Variants in MYH7B observed in about 807,000 individuals in gnomAD.
MYH7B encodes the protein myosin-7B.
A neutral mutation model predicts 234.5 loss-of-function variants in MYH7B; 205 were observed. That is an observed-to-expected ratio of 0.87 (90% CI 0.78 to 0.98). MYH7B has a LOEUF of 0.98. Among genes scored for constraint, MYH7B ranks in the 50% least tolerant of loss-of-function variants. The pLI, the probability that MYH7B is intolerant of heterozygous loss-of-function variation, is 0.00. For missense variants in MYH7B, 2,652 were observed against 2,633.4 expected (o/e 1.01, Z -0.15); for synonymous variants, 1,193 against 1,105.0 (o/e 1.08, Z -1.58).
intron 4 of MYH7B, 58 bp downstream of exon 4, chr20:34,977,738 G>GGGGGGGGGGGCCCCC: frequency 3.2e-6 from 1 of 317,150 alleles, no homozygotes; most frequent in Non-Finnish European, 5.9e-6. Flanking sequence ...GGGCGGGTGG[G>GGGGGGGGGGGCCCCC]TGAGGGTGCC....
exon 21 of MYH7B, chr20:34,990,028 T>C: frequency 6.2e-7 from 1 of 1,614,138 alleles, no homozygotes; most frequent in Non-Finnish European, 8.5e-7. Context: ...CTTACAGCAT[T>C]GTGGGCTGGC....
At chr20:34,989,678 G>A in intron 19 of MYH7B, 62 bp from the exon 20 acceptor site, 6 of 1,506,534 alleles carry the variant, frequency 4.0e-6, no homozygotes, top group South Asian at 3.9e-5. Flanking sequence ...GGGAACCAGG[G>A]GTTCAGTCCT....
intron 38 of MYH7B, 60 bp downstream of exon 38, chr20:34,999,966 G>A: frequency 1.4e-6 from 2 of 1,428,862 alleles, no homozygotes; most frequent in Non-Finnish European, 1.9e-6. Context: ...GAAGCAGTGT[G>A]TACTCTGCTC....
chr20:34,980,882 G>T, intron 8 of MYH7B, 148 bp downstream of exon 8: 1 of 1,486,484 alleles, frequency 6.7e-7, no homozygotes. Context: ...CTCCGCATGG[G>T]AGCTGACCTC....
chr20:34,984,894 T>C, exon 12 of MYH7B: 1 of 1,614,056 alleles, frequency 6.2e-7, no homozygotes. Context: ...AACCCTGCCA[T>C]GGAGGCCTTT....
At chr20:34,982,599 G>A in intron 10 of MYH7B, 44 bp downstream of exon 10, 4 of 1,392,772 alleles carry the variant, frequency 2.9e-6, no homozygotes, top group Non-Finnish European at 3.9e-6. Flanking sequence ...GCTTCTCGCT[G>A]TTTTTCTTTT....
At position 34,997,402 on chromosome 20, in the gene MYH7B, G is replaced by A. The variant is rs201643368; in HGVS notation, c.3509G>A (p.Gly1170Asp). Residue 1170 changes from glycine to aspartate, a missense_variant, in exon 32 of 45, where the codon GGC becomes GAC. Gly to Asp is a moderately conservative substitution (Grantham distance 94, BLOSUM62 -1). Transcript: ENST00000262873. ...GGCGCATCCGCGGGGCAGCGCGAGG[G>A]CTGCCGCAAGCGGGAGGCGGAGCTG... 2,148 of 1,482,632 alleles carry A rather than the reference G, an allele frequency of 1.4e-3. 10 individuals are homozygous for A. The highest frequency in any genetic ancestry group is 9.9e-3 in the Middle Eastern group (42 of 4,260). 91.8% of individuals were successfully genotyped at this position (1,482,632 alleles called of 1,614,324 possible). A position where few individuals can be genotyped will look rare whatever the true frequency, so the allele number is the denominator to read the frequency against.
rs1434664488 is a variant in MYH7B, at chr20:34,982,620, CTCT to C, written c.624+67_624+69del. The C allele has an allele frequency of 6.8e-6, 9 of 1,325,372 alleles. No individual in the cohort carries two copies. In the South Asian group the frequency reaches 8.8e-5, roughly 13 times the overall value. 82.1% of individuals were successfully genotyped at this position (1,325,372 alleles called of 1,614,324 possible). ...CGCTGTTTTTCTTTTCTTTCTTCCT[CTCT>C]TTTTTTTTTTTCCCCCTTTTTAAAA... On this transcript the variant is annotated intron_variant, in intron 10 of 44. Coordinates refer to ENST00000262873, the Ensembl canonical transcript of MYH7B.
chr20:34,990,248 T>A (rs764966681), exon 22 of MYH7B: 1 of 1,613,970 alleles, frequency 6.2e-7, no homozygotes, highest in African/African-American at 1.3e-5. Flanking sequence ...GCCCCCCAAG[T>A]CTGGGGTGAA....
chr20:34,959,936 A>T (rs2081677412), intron 2 of MYH7B, among the ~76,000 whole-genome samples: 1 of 152,156 alleles, frequency 6.6e-6, no homozygotes, highest in South Asian at 2.1e-4. Flanking sequence ...TCCATTTTAC[A>T]GCCGGGGAAA....
chr20:34,987,831 C>CG lies in MYH7B; in HGVS notation c.1335dup (p.Ile446AspfsTer24), dbSNP rs1384022484. 1 of 1,613,718 alleles carries CG rather than the reference C, an allele frequency of 6.2e-7. No homozygotes were observed. Among genetic ancestry groups the CG allele is most frequent in the African/African-American group, 1.3e-5 (1 of 74,938 alleles). On this transcript the variant is annotated frameshift_variant, in exon 18 of 45. Coordinates refer to ENST00000262873, the Ensembl canonical transcript of MYH7B. LOFTEE classifies it high-confidence loss of function. ...CCGGCTGTTCAGGTGGCTGGTGTCT[C>CG]GGATCAACCAGACCCTGGACACAAA...
chr20:34,969,890 C>T (rs2081777158), intron 2 of MYH7B, among the ~76,000 whole-genome samples: 1 of 151,756 alleles, frequency 6.6e-6, no homozygotes, highest in African/African-American at 2.4e-5. Flanking sequence ...TTGGAAATAA[C>T]AGCAATGACA....
At chr20:35,001,210 G>A (rs749562390) in intron 41 of MYH7B, 35 bp from the exon 42 acceptor site, 1 of 1,606,378 alleles carries the variant, frequency 6.2e-7, no homozygotes, top group Non-Finnish European at 8.5e-7. Context: ...TGACCCAGGG[G>A]TGGGCTTGGC....
At chr20:34,997,152 G>T (rs764560311) in exon 31 of MYH7B, 2 of 1,549,414 alleles carry the variant, frequency 1.3e-6, no homozygotes, top group African/African-American at 2.7e-5. Context: ...CCCAGATGCA[G>T]AAGAAGATCA....
intron 30 of MYH7B, 137 bp downstream of exon 30, chr20:34,996,895 G>C: frequency 7.4e-7 from 1 of 1,354,636 alleles, no homozygotes. Context: ...GGGTGCAGGG[G>C]TAGTGTCTTG....
rs141693267 is a variant in MYH7B, at chr20:34,972,011, C to T, written c.-221-3389C>T. Among the ~76,000 whole-genome samples the T allele has an allele frequency of 1.8e-4, 28 of 152,216 alleles. No individual in the cohort carries two copies. The East Asian group carries it at 4.9e-3, about 26-fold the overall frequency. On this transcript the variant is annotated intron_variant, in intron 2 of 44. Transcript: ENST00000262873. ...GCCTTGGAGTTCTAGGTCATGCTGT[C>T]CATTTCCTGTCCCCTCTTGCCACCT...
At chr20:34,976,165 T>C (rs1050694553) in intron 3 of MYH7B, among the ~76,000 whole-genome samples, 1 of 152,248 alleles carries the variant, frequency 6.6e-6, no homozygotes, top group Non-Finnish European at 1.5e-5. Flanking sequence ...TCCCAGAGGC[T>C]CTCTGGTGCC....
At chr20:34,965,215 A>C (rs1274342197) in intron 2 of MYH7B, among the ~76,000 whole-genome samples, 1 of 152,188 alleles carries the variant, frequency 6.6e-6, no homozygotes, top group African/African-American at 2.4e-5. Context: ...TAGATGAGGA[A>C]TCAGAAGATC....
At position 34,999,647 on chromosome 20, in the gene MYH7B, G is replaced by A. The variant is rs761516956; in HGVS notation, c.4617G>A (p.Ala1539=). 39 of 1,613,628 alleles carry A rather than the reference G, an allele frequency of 2.4e-5. No individual in the cohort carries two copies. Among genetic ancestry groups the A allele is most frequent in the South Asian group, 1.9e-4 (17 of 90,988 alleles). Residue 1539 remains alanine (A), a synonymous_variant, in exon 37 of 45, where the codon GCG becomes GCA. Coordinates refer to ENST00000262873, the Ensembl canonical transcript of MYH7B. ...AGGAACTGGAGAAAACCAAGAAGGC[G>A]CTGGAAGGCGAGAAGAGTGAGATCC...
Sources: gnomAD v4.1 joint callset for allele counts (sites outside exome capture counted in the v4.1 genomes callset) on GRCh38, gnomAD v4.1.1 for gene constraint, MANE v1.5 for transcripts, NCBI Gene and HGNC (gene_info 2026-07-23, HGNC 2026-07-21) for gene names.